The following MAF variants were observed in gnomAD, a reference collection of about 807,000 sequenced individuals.
MAF encodes the protein transcription factor Maf.
A neutral mutation model predicts 22.0 loss-of-function variants in MAF; 10 were observed. The observed-to-expected ratio is 0.45, with a 90% CI of 0.28 to 0.77. The LOEUF is 0.77. MAF is among the 30% of genes least tolerant of loss of function. The pLI is 0.12. For missense variants in MAF, 544 were observed against 548.4 expected, an observed-to-expected ratio of 0.99 and a Z score of 0.08; for synonymous variants, 337 against 255.8, an observed-to-expected ratio of 1.32 and a Z score of -3.03.
the MAF span, among the ~76,000 whole-genome samples, chr16:79,336,192 C>T: frequency 2.0e-5 from 3 of 152,184 alleles, no homozygotes; most frequent in Non-Finnish European, 2.9e-5. Flanking sequence ...AAGTGAGAAT[C>T]GTAGTAATGA....
At chr16:79,381,753 G>A in the MAF span, among the ~76,000 whole-genome samples, 2 of 152,162 alleles carry the variant, frequency 1.3e-5, no homozygotes, top group African/African-American at 4.8e-5. Flanking sequence ...TTGGAAGCCT[G>A]CAATCATTTT....
chr16:79,519,833 T>C, the MAF span, among the ~76,000 whole-genome samples: 3 of 152,174 alleles, frequency 2.0e-5, no homozygotes. Context: ...TGTCACCATG[T>C]GGGGAAAAAA....
chr16:79,458,747 T>C, the MAF span, among the ~76,000 whole-genome samples: 1 of 152,228 alleles, frequency 6.6e-6, no homozygotes, highest in Non-Finnish European at 1.5e-5. Flanking sequence ...CTAAAAAATG[T>C]ATCATGAAGT....
the MAF span, among the ~76,000 whole-genome samples, chr16:79,543,784 T>A: frequency 6.6e-6 from 1 of 151,922 alleles, no homozygotes; most frequent in Admixed American, 6.6e-5. Context: ...CCTCCGGGGT[T>A]CACGGCATTC....
At chr16:79,578,960 T>G in the MAF span, among the ~76,000 whole-genome samples, 13 of 152,270 alleles carry the variant, frequency 8.5e-5, no homozygotes, top group East Asian at 1.9e-3. Flanking sequence ...GGAGGGACCC[T>G]TCCAGTAACA....
chr16:79,408,343 AT>A, the MAF span, among the ~76,000 whole-genome samples: 1 of 151,714 alleles, frequency 6.6e-6, no homozygotes, highest in Non-Finnish European at 1.5e-5. Context: ...CGCCCAGCTA[AT>A]TTTGAATTTT....
the MAF span, among the ~76,000 whole-genome samples, chr16:79,507,520 G>T: frequency 6.6e-6 from 1 of 151,310 alleles, no homozygotes; most frequent in Non-Finnish European, 1.5e-5. Context: ...TGCCTCCTGG[G>T]TTCATGCCAT....
At chr16:79,417,682 C>T in the MAF span, among the ~76,000 whole-genome samples, 2 of 152,166 alleles carry the variant, frequency 1.3e-5, no homozygotes, top group African/African-American at 4.8e-5. Flanking sequence ...GTCCTCCGTC[C>T]CCTCCCCACA....
At chr16:79,549,401 A>G in the MAF span, among the ~76,000 whole-genome samples, 14 of 152,234 alleles carry the variant, frequency 9.2e-5, no homozygotes, top group African/African-American at 3.4e-4. Flanking sequence ...CAGCACAGCC[A>G]CTATCCTTTA....
chr16:79,324,302 G>A, the MAF span, among the ~76,000 whole-genome samples: 1 of 152,168 alleles, frequency 6.6e-6, no homozygotes, highest in Admixed American at 6.5e-5. Flanking sequence ...AGCAACATGG[G>A]TTTGAATTGT....
At chr16:79,507,704 C>T in the MAF span, among the ~76,000 whole-genome samples, 35 of 152,182 alleles carry the variant, frequency 2.3e-4, no homozygotes, top group Non-Finnish European at 3.7e-4. Flanking sequence ...GTATTACAGG[C>T]GTGAGCCACC....
At chr16:79,399,278 A>C in the MAF span, among the ~76,000 whole-genome samples, 4 of 152,238 alleles carry the variant, frequency 2.6e-5, no homozygotes, top group African/African-American at 7.2e-5. Context: ...AGGTGAAAAA[A>C]TTCTTTGTAA....
At chr16:79,373,787 G>A in the MAF span, among the ~76,000 whole-genome samples, 5 of 152,034 alleles carry the variant, frequency 3.3e-5, no homozygotes, top group East Asian at 3.9e-4. Context: ...CAGCAAGAAG[G>A]CCCTCACCAG....
chr16:79,488,807 T>C, the MAF span, among the ~76,000 whole-genome samples: 1 of 152,144 alleles, frequency 6.6e-6, no homozygotes, highest in Non-Finnish European at 1.5e-5. Flanking sequence ...TCCGGGAGCA[T>C]ATCATGAGGA....
the MAF span, among the ~76,000 whole-genome samples, chr16:79,305,171 G>A: frequency 6.6e-6 from 1 of 152,210 alleles, no homozygotes; most frequent in Admixed American, 6.5e-5. Context: ...GAGCATTGCA[G>A]GGGAAGGGAG....
the MAF span, among the ~76,000 whole-genome samples, chr16:79,426,913 G>C: frequency 6.6e-6 from 1 of 152,190 alleles, no homozygotes; most frequent in Non-Finnish European, 1.5e-5. Context: ...GAGAGGTGCA[G>C]GAAAACAATT....
chr16:79,522,473 C>T, the MAF span, among the ~76,000 whole-genome samples: 3 of 152,270 alleles, frequency 2.0e-5, no homozygotes, highest in African/African-American at 7.2e-5. Context: ...GAATAACTAT[C>T]AACTCAAAAA....
the MAF span, among the ~76,000 whole-genome samples, chr16:79,457,296 T>C: frequency 7.2e-5 from 11 of 151,958 alleles, no homozygotes; most frequent in African/African-American, 2.4e-4. Context: ...ATTTGCACCA[T>C]ACTTTGACAT....
chr16:79,205,415 C>T, the MAF span: 1 of 152,178 alleles, frequency 6.6e-6, no homozygotes, highest in African/African-American at 2.4e-5. Flanking sequence ...AAATATTTTT[C>T]CTTGTGGCAA....
Sources: allele counts gnomAD v4.1 joint callset (sites outside exome capture counted in the v4.1 genomes callset), GRCh38; gene constraint gnomAD v4.1.1; transcripts MANE v1.5; gene names NCBI Gene and HGNC (gene_info 2026-07-23, HGNC 2026-07-21).